YWHAH: variants seen among roughly 807,000 people sequenced by gnomAD.
YWHAH encodes the protein 14-3-3 protein eta.
YWHAH carries 6 observed loss-of-function variants against 22.9 expected under a neutral mutation model. The observed-to-expected ratio is 0.26, with a 90% confidence interval of 0.14 to 0.52. YWHAH has a LOEUF of 0.52. Ranked by LOEUF, YWHAH falls within the 20% of genes least tolerant of loss-of-function variation. The probability of loss-of-function intolerance (pLI) is 0.97; values close to 1 mark genes in which losing one functional copy is unlikely to be tolerated. For missense variants in YWHAH, 173 were observed against 308.6 expected, an observed-to-expected ratio of 0.56 and a Z score of 3.29; for synonymous variants, 135 against 124.5, an observed-to-expected ratio of 1.08 and a Z score of -0.56.
chr22:31,952,861 A>G (rs1346741224), intron 1 of YWHAH, among the ~76,000 whole-genome samples: 1 of 152,222 alleles, frequency 6.6e-6, no homozygotes, highest in Non-Finnish European at 1.5e-5. Context: ...GTGCACAGGA[A>G]AAACGAAATC....
At chr22:31,950,961 G>A (rs1258161954) in intron 1 of YWHAH, among the ~76,000 whole-genome samples, 1 of 152,150 alleles carries the variant, frequency 6.6e-6, no homozygotes, top group East Asian at 1.9e-4. Flanking sequence ...CAGTGGCACA[G>A]TCCTGGCTCA....
At chr22:31,944,956 C>G (rs113433077) in intron 1 of YWHAH, 136 bp downstream of exon 1, 10 of 1,113,270 alleles carry the variant, frequency 9.0e-6, no homozygotes, top group Non-Finnish European at 1.1e-5. Flanking sequence ...CCCGCCCGCC[C>G]TTAGCCCGCG....
chr22:31,957,205 C>A lies in YWHAH; in HGVS notation c.*413C>A. 1 of 161,094 alleles carries A rather than the reference C, an allele frequency of 6.2e-6. No individual in the cohort carries two copies. The highest frequency in any genetic ancestry group is 1.7e-4 in the South Asian group (1 of 5,730). The allele number at this position is 161,094 out of a possible 1,614,324, so 10.0% of individuals were successfully genotyped here. ...CTTGTGCATGCAAAAATGAATTCAC[C>A]CCTCCCACCTCTTTCTTCAATTAAT... On this transcript the variant is annotated 3_prime_UTR_variant, in exon 2 of 2. Coordinates refer to ENST00000248975, the MANE Select transcript of YWHAH (RefSeq NM_003405.4).
Position 31,949,513 on chromosome 22 carries a change from T to TG in YWHAH, c.87+4702dup, listed in dbSNP as rs779453825. Among the ~76,000 whole-genome samples, 1,332 of 148,822 alleles carry TG rather than the reference T, an allele frequency of 9.0e-3. 7 individuals are homozygous for TG. Among genetic ancestry groups the TG allele is most frequent in the African/African-American group, 0.016 (641 of 40,338 alleles). ...AGTCCATGTGTACTTTTTTTTTTGG[T>TG]GGGGGGGGGAGTCATGCTCTGTCAC... On this transcript the variant is annotated intron_variant, in intron 1 of 1. Transcript: ENST00000248975.
chr22:31,955,908 A>AT (rs1416075951), intron 1 of YWHAH, among the ~76,000 whole-genome samples: 4 of 151,908 alleles, frequency 2.6e-5, no homozygotes, highest in Admixed American at 1.3e-4. Context: ...AGCCCCTATG[A>AT]TTTTCTGTTT....
At chr22:31,945,062 G>A (rs1319180112) in intron 1 of YWHAH, 1 of 1,107,156 alleles carries the variant, frequency 9.0e-7, no homozygotes, top group African/African-American at 1.7e-5. Flanking sequence ...AGGCAGCCCC[G>A]GAAGGGGGGC....
chr22:31,947,456 T>G (rs558172802), intron 1 of YWHAH: 2 of 471,652 alleles, frequency 4.2e-6, no homozygotes, highest in South Asian at 3.1e-5. Flanking sequence ...TGTTCCTCAT[T>G]CTACCAGCGT....
intron 1 of YWHAH, among the ~76,000 whole-genome samples, chr22:31,948,074 T>C (rs904420761): frequency 6.6e-5 from 10 of 152,246 alleles, no homozygotes; most frequent in Non-Finnish European, 1.5e-4. Context: ...GAAATCTTTT[T>C]TTTTTAATCA....
intron 1 of YWHAH, chr22:31,945,461 G>T (rs763273623): frequency 7.7e-7 from 1 of 1,304,106 alleles, no homozygotes; most frequent in Non-Finnish European, 1.0e-6. Context: ...TTGCTGCTGC[G>T]CTGTCTGCTT....
chr22:31,944,548 C>A lies in YWHAH; in HGVS notation c.-186C>A. The A allele has an allele frequency of 4.4e-6, 1 of 228,576 alleles. No individual in the cohort carries two copies. Among genetic ancestry groups the A allele is most frequent in the Non-Finnish European group, 7.7e-6 (1 of 130,352 alleles). 14.2% of individuals were successfully genotyped at this position (228,576 alleles called of 1,614,324 possible). ...GCGGCGCGAGCCACAGCGCGCGGGGCGAGCCAGCGAGAGGGCGCGAGCGGC... is the reference window on the plus strand; with the variant it reads ...GCGGCGCGAGCCACAGCGCGCGGGGAGAGCCAGCGAGAGGGCGCGAGCGGC... On this transcript the variant is annotated 5_prime_UTR_variant, in exon 1 of 2. Coordinates refer to ENST00000248975, the MANE Select transcript of YWHAH (RefSeq NM_003405.4).
rs1197930920 is a variant in YWHAH at position 31,956,842 on chromosome 22, A to G, written c.*50A>G. ...TCCTTCACCCACCACCCCCATCATC[A>G]CCGATTCTTCCTTGCCACAATCACT... On this transcript the variant is annotated 3_prime_UTR_variant, in exon 2 of 2. Coordinates refer to ENST00000248975, the MANE Select transcript of YWHAH (RefSeq NM_003405.4). This position sits in a 1 kb window ranked among gnomAD's most constrained non-coding sequence, Gnocchi z 5.1. The G allele has an allele frequency of 6.6e-7, 1 of 1,505,352 alleles. No individual in the cohort carries two copies. Among genetic ancestry groups the G allele is most frequent in the Non-Finnish European group, 8.9e-7 (1 of 1,126,836 alleles). 93.2% of individuals were successfully genotyped at this position (1,505,352 alleles called of 1,614,324 possible). A position where few individuals can be genotyped will look rare whatever the true frequency, so the allele number is the denominator to read the frequency against.
At chr22:31,949,718 C>T (rs973846594) in intron 1 of YWHAH, among the ~76,000 whole-genome samples, 5 of 152,160 alleles carry the variant, frequency 3.3e-5, no homozygotes, top group Admixed American at 2.6e-4. Context: ...ACAAATGAGA[C>T]TTTCAGAGGT....
chr22:31,945,088 G>A, intron 1 of YWHAH: 1 of 1,090,942 alleles, frequency 9.2e-7, no homozygotes, highest in Non-Finnish European at 1.1e-6. Context: ...GGTCGGGGTC[G>A]CCACATCTTA....
intron 1 of YWHAH, among the ~76,000 whole-genome samples, chr22:31,949,135 A>ATTTTT (rs2093839250): frequency 3.4e-5 from 3 of 88,580 alleles, no homozygotes; most frequent in Non-Finnish European, 6.6e-5. Context: ...AACATATTTT[A>ATTTTT]CTTTTTTTTT....
At position 31,944,746 on chromosome 22, in the gene YWHAH, G is replaced by C; in HGVS notation, c.13G>C (p.Glu5Gln). ...AGCCGCGAGCGACATGGGGGACCGG[G>C]AGCAGCTGCTGCAGCGGGCGCGGCT... MGDREQLLQRARLAE... is the reference protein window; with the variant it reads MGDRQQLLQRARLAE... Residue 5 changes from glutamate to glutamine, a missense_variant, in exon 1 of 2, where the codon GAG (glutamate) becomes CAG (glutamine). By Grantham distance (29) the Glu-to-Gln change is conservative. Coordinates refer to ENST00000248975, the MANE Select transcript of YWHAH (RefSeq NM_003405.4). 2.1e-6 allele frequency: 3 copies of C among 1,415,824 alleles called. No individual in the cohort carries two copies. Among genetic ancestry groups the C allele is most frequent in the Non-Finnish European group, 2.8e-6 (3 of 1,078,470 alleles). 87.7% of individuals were successfully genotyped at this position (1,415,824 alleles called of 1,614,324 possible). A position where few individuals can be genotyped will look rare whatever the true frequency, so the allele number is the denominator to read the frequency against.
intron 1 of YWHAH, 23 bp downstream of exon 1, chr22:31,944,843 C>T (rs1038876455): frequency 1.0e-5 from 14 of 1,345,240 alleles, no homozygotes; most frequent in African/African-American, 1.7e-5. Flanking sequence ...GGAGCCCGGG[C>T]GGCTGGCCGG....
intron 1 of YWHAH, chr22:31,945,229 T>A: frequency 8.9e-7 from 1 of 1,128,230 alleles, no homozygotes. Context: ...GAATAAAGAA[T>A]CACCTAGTAA....
At position 31,944,579 on chromosome 22, in the gene YWHAH, T is replaced by TGCCTGCA. The variant is rs71697452; in HGVS notation, c.-136_-130dup. On this transcript the variant is annotated 5_prime_UTR_variant, in exon 1 of 2. Transcript: ENST00000248975. ...AGCGAGAGGGCGCGAGCGGCGGCGC[T>TGCCTGCA]GCCTGCAGCCTGCAGCCTGCAGCCT... The TGCCTGCA allele has an allele frequency of 1.4e-3, 514 of 363,026 alleles. 2 individuals carry two copies. Among genetic ancestry groups the TGCCTGCA allele is most frequent in the South Asian group, 5.6e-3 (46 of 8,154 alleles). The allele number at this position is 363,026 out of a possible 1,614,324, so 22.5% of individuals were successfully genotyped here. A position where few individuals can be genotyped will look rare whatever the true frequency, so the allele number is the denominator to read the frequency against.
At chr22:31,945,077 C>T (rs1286083140) in intron 1 of YWHAH, 1 of 1,094,208 alleles carries the variant, frequency 9.1e-7, no homozygotes, top group African/African-American at 1.7e-5. Context: ...GGGGGCGGGC[C>T]GGTCGGGGTC....
Sources: gnomAD v4.1 joint callset for allele counts (sites outside exome capture counted in the v4.1 genomes callset) on GRCh38, gnomAD v4.1.1 for gene constraint, Gnocchi (gnomAD v3.1) non-coding constraint, MANE v1.5 for transcripts, NCBI Gene and HGNC (gene_info 2026-07-23, HGNC 2026-07-21) for gene names.